The following PCLO variants were observed in gnomAD, a reference collection of about 807,000 sequenced individuals.
PCLO encodes protein piccolo.
PCLO carries 82 observed loss-of-function variants against 427.5 expected under a neutral mutation model. The observed-to-expected ratio is 0.19, with a 90% confidence interval of 0.16 to 0.23. The LOEUF (loss-of-function observed/expected upper bound fraction) is 0.23, where lower values mean the gene tolerates loss of function less well. Among genes scored for constraint, PCLO ranks in the 10% least tolerant of loss-of-function variants. The pLI, the probability that PCLO is intolerant of heterozygous loss-of-function variation, is 1.00. For missense variants in PCLO, 6,239 were observed against 6,115.9 expected, an observed-to-expected ratio of 1.02 and a Z score of -0.67; for synonymous variants, 2,357 against 2,155.4, an observed-to-expected ratio of 1.09 and a Z score of -2.59.
rs1195070105 is a variant in PCLO, at chr7:82,916,382, T to C, written c.11604A>G (p.Ile3868Met). ...TAPQTEFSQF[I>M]PPQTQTESQL... is the part of the protein sequence containing the mutation. ...GAGATTCTGTTTGGGTTTGTGGTGG[T>C]ATAAACTGGCTGAATTCAGTTTGGG... The change falls in exon 7 of 25, where the codon ATA (isoleucine) becomes ATG (methionine). Residue 3868 changes from isoleucine to methionine, a missense_variant. This residue lies in a region of PCLO where 680 missense variants were observed against 677.3 expected (regional missense o/e 1.00). Transcript: ENST00000333891. 1.2e-6 allele frequency: 2 copies of C among 1,613,604 alleles called. No homozygotes were observed. The highest frequency in any genetic ancestry group is 1.7e-6 in the Non-Finnish European group (2 of 1,179,748).
chr7:82,826,696 C>G, intron 17 of PCLO, 36 bp from the exon 18 acceptor site: 3 of 1,341,982 alleles, frequency 2.2e-6, no homozygotes, highest in Non-Finnish European at 3.1e-6. Flanking sequence ...TTAAACCTAT[C>G]TTTCCATCAT....
intron 10 of PCLO, among the ~76,000 whole-genome samples, chr7:82,858,400 G>A (rs1323013223): frequency 6.6e-6 from 1 of 152,064 alleles, no homozygotes; most frequent in Non-Finnish European, 1.5e-5. Context: ...TCTCTAAGAT[G>A]TTGGTATCCA....
intron 3 of PCLO, among the ~76,000 whole-genome samples, chr7:83,008,111 A>C (rs1562915677): frequency 7.1e-6 from 1 of 140,172 alleles, no homozygotes; most frequent in Non-Finnish European, 1.7e-5. Context: ...ATACATACAA[A>C]AGGCATAAGA....
intron 3 of PCLO, among the ~76,000 whole-genome samples, chr7:83,098,315 CT>C (rs1790646048): frequency 6.6e-6 from 1 of 151,498 alleles, no homozygotes; most frequent in Non-Finnish European, 1.5e-5. Flanking sequence ...GGTACTTTGT[CT>C]TTCAGATGCA....
At chr7:82,929,981 C>A (rs773610908) in intron 6 of PCLO, among the ~76,000 whole-genome samples, 2 of 152,150 alleles carry the variant, frequency 1.3e-5, no homozygotes, top group Non-Finnish European at 2.9e-5. Context: ...TACCTTCATG[C>A]AGCTTTCAGA....
intron 3 of PCLO, among the ~76,000 whole-genome samples, chr7:83,117,154 A>G (rs996103012): frequency 1.3e-5 from 2 of 152,182 alleles, no homozygotes; most frequent in Admixed American, 6.5e-5. Context: ...AGCAATCACT[A>G]CTAGCCCAAA....
chr7:83,039,552 A>G (rs554348125), intron 3 of PCLO, among the ~76,000 whole-genome samples: 1 of 152,252 alleles, frequency 6.6e-6, no homozygotes, highest in Admixed American at 6.5e-5. Flanking sequence ...CTTTAAAATT[A>G]AGATCTATGT....
intron 3 of PCLO, among the ~76,000 whole-genome samples, chr7:83,070,561 G>C (rs1789787784): frequency 6.6e-6 from 1 of 151,940 alleles, no homozygotes; most frequent in East Asian, 1.9e-4. Context: ...TAATTTTTTT[G>C]TATTTTTAGT....
chr7:82,855,437 T>C (rs1394615997), intron 10 of PCLO, among the ~76,000 whole-genome samples: 1 of 152,190 alleles, frequency 6.6e-6, no homozygotes, highest in Non-Finnish European at 1.5e-5. Context: ...GCCTACATGC[T>C]AGCCTACCTG....
intron 3 of PCLO, among the ~76,000 whole-genome samples, chr7:82,983,021 A>G (rs1796181428): frequency 6.6e-6 from 1 of 151,738 alleles, no homozygotes; most frequent in Non-Finnish European, 1.5e-5. Context: ...CTGATGTATT[A>G]TGAAAAATAA....
chr7:82,966,485 A>T lies in PCLO; in HGVS notation c.3303T>A (p.Ile1101=). ...GFNPTPHLTE[I]QEWLCLNCQT... is the part of the protein sequence containing the mutation. ...GGCAATTTAAACAAAGCCATTCTTGAATCTGTGGGAAAAAAATTACAATGA... is the reference window on the plus strand; with the variant it reads ...GGCAATTTAAACAAAGCCATTCTTGTATCTGTGGGAAAAAAATTACAATGA... The change falls in exon 4 of 25, where the codon ATT becomes ATA. Residue 1101 remains isoleucine, a splice_region_variant and synonymous_variant. Coordinates refer to ENST00000333891, the MANE Select transcript of PCLO (RefSeq NM_033026.6). The T allele has an allele frequency of 6.5e-7, 1 of 1,544,384 alleles. No individual in the cohort carries two copies. Among genetic ancestry groups the T allele is most frequent in the South Asian group, 1.2e-5 (1 of 82,658 alleles).
intron 9 of PCLO, among the ~76,000 whole-genome samples, chr7:82,897,692 A>G (rs1793940194): frequency 6.6e-6 from 1 of 151,666 alleles, no homozygotes; most frequent in South Asian, 2.1e-4. Context: ...CATGGATGAC[A>G]AATGAATGAT....
At chr7:82,793,834 G>A (rs1242556796) in intron 22 of PCLO, among the ~76,000 whole-genome samples, 1 of 152,166 alleles carries the variant, frequency 6.6e-6, no homozygotes, top group Non-Finnish European at 1.5e-5. Flanking sequence ...AGTATTGTGT[G>A]TGGGGTCAGG....
At chr7:83,054,799 C>T (rs13245351) in intron 3 of PCLO, among the ~76,000 whole-genome samples, 40,115 of 151,782 alleles carry the variant, frequency 0.26, 5,617 homozygotes, top group Middle Eastern at 0.35. Context: ...GAATTTCCTC[C>T]TTGGGAATTT....
At chr7:82,817,245 A>G (rs184353753) in intron 20 of PCLO, among the ~76,000 whole-genome samples, 1 of 152,320 alleles carries the variant, frequency 6.6e-6, no homozygotes, top group Admixed American at 6.5e-5. Flanking sequence ...CTCAAGGTTT[A>G]AAAAATTTTT....
intron 22 of PCLO, among the ~76,000 whole-genome samples, chr7:82,772,478 A>T (rs957457110): frequency 1.3e-5 from 2 of 151,912 alleles, no homozygotes; most frequent in African/African-American, 2.4e-5. Flanking sequence ...GTTTTCATTA[A>T]TTTTTTTTCC....
chr7:82,788,592 A>G (rs1211173504), intron 22 of PCLO, among the ~76,000 whole-genome samples: 1 of 152,074 alleles, frequency 6.6e-6, no homozygotes, highest in Non-Finnish European at 1.5e-5. Context: ...AATACCATAG[A>G]TGCATAAAAT....
intron 22 of PCLO, among the ~76,000 whole-genome samples, chr7:82,788,494 T>C (rs150684915): frequency 2.4e-4 from 36 of 152,146 alleles, no homozygotes; most frequent in African/African-American, 6.5e-4. Context: ...AACATTTAAG[T>C]CTTCCCAAAA....
chr7:83,017,705 A>AT (rs1016154131), intron 3 of PCLO, among the ~76,000 whole-genome samples: 1 of 151,990 alleles, frequency 6.6e-6, no homozygotes, highest in African/African-American at 2.4e-5. Flanking sequence ...TTGTTTACCC[A>AT]TTTTCAGAGA....
Sources: gnomAD v4.1 joint callset for allele counts (sites outside exome capture counted in the v4.1 genomes callset) on GRCh38, gnomAD v4.1.1 for gene constraint, gnomAD v4.1.1 regional missense constraint, MANE v1.5 for transcripts, NCBI Gene and HGNC (gene_info 2026-07-23, HGNC 2026-07-21) for gene names.